The following NUDCD1 variants were observed in gnomAD, a reference collection of about 807,000 sequenced individuals.
NUDCD1 encodes the protein nudC domain-containing protein 1.
Under a neutral mutation model 67.8 loss-of-function variants are expected in NUDCD1, and 60 were observed. That is an observed-to-expected ratio of 0.88 (90% CI 0.72 to 1.10). The LOEUF (loss-of-function observed/expected upper bound fraction) is 1.10. Ranked by LOEUF, NUDCD1 falls within the 50% of genes least tolerant of loss-of-function variation. The pLI, the probability that NUDCD1 is intolerant of heterozygous loss-of-function variation, is 0.00. For missense variants in NUDCD1, 643 were observed against 695.0 expected (o/e 0.93, Z 0.84); for synonymous variants, 244 against 230.8 (o/e 1.06, Z -0.52).
At chr8:109,291,925 T>A (rs1278715535) in intron 4 of NUDCD1, among the ~76,000 whole-genome samples, 1 of 152,118 alleles carries the variant, frequency 6.6e-6, no homozygotes, top group Non-Finnish European at 1.5e-5. Context: ...TCCTGTAAGA[T>A]TTTGAATTAC....
rs1238743435 is a variant in NUDCD1 at position 109,240,976 on chromosome 8, T to A, written c.*2033A>T. The A allele has an allele frequency of 1.3e-5, 2 of 152,134 alleles. No individual in the cohort carries two copies. The highest frequency in any genetic ancestry group is 2.9e-5 in the Non-Finnish European group (2 of 68,030). 9.4% of individuals were successfully genotyped at this position (152,134 alleles called of 1,614,324 possible). The stretch of plus-strand genomic sequence containing the variant: ...TCATAAATATTTTATAAATTCCTAT[T>A]TAAAACATGATAAAAATCAACAAAA... On this transcript the variant is annotated 3_prime_UTR_variant, in exon 10 of 10. Transcript: ENST00000239690.
intron 2 of NUDCD1, among the ~76,000 whole-genome samples, chr8:109,308,103 C>T (rs1815154751): frequency 6.6e-6 from 1 of 152,190 alleles, no homozygotes; most frequent in African/African-American, 2.4e-5. Context: ...TGGATTTAAA[C>T]TATACCCTGG....
chr8:109,244,484 C>A (rs1437450451), intron 9 of NUDCD1, among the ~76,000 whole-genome samples: 3 of 152,048 alleles, frequency 2.0e-5, no homozygotes, highest in Non-Finnish European at 4.4e-5. Flanking sequence ...AATTAGTTAA[C>A]CAAACTTTGT....
intron 5 of NUDCD1, among the ~76,000 whole-genome samples, chr8:109,282,169 T>A (rs536390019): frequency 1.3e-5 from 2 of 152,256 alleles, no homozygotes; most frequent in African/African-American, 4.8e-5. Context: ...GTCCTGCCCA[T>A]CTTGGCCCCT....
At chr8:109,310,942 A>G (rs1815232829) in intron 2 of NUDCD1, among the ~76,000 whole-genome samples, 1 of 150,014 alleles carries the variant, frequency 6.7e-6, no homozygotes, top group Non-Finnish European at 1.5e-5. Context: ...CAGCCTCCCG[A>G]GTAGCTGGGA....
intron 1 of NUDCD1, among the ~76,000 whole-genome samples, chr8:109,332,080 G>A (rs1815818912): frequency 6.6e-6 from 1 of 152,068 alleles, no homozygotes; most frequent in South Asian, 2.1e-4. Flanking sequence ...TACATCCTAT[G>A]TGCCAAGCAC....
At chr8:109,281,467 C>T (rs762832117) in intron 5 of NUDCD1, among the ~76,000 whole-genome samples, 13 of 152,030 alleles carry the variant, frequency 8.6e-5, no homozygotes, top group Non-Finnish European at 1.9e-4. Context: ...CCCTTCCTCC[C>T]TCTTTCACTC....
intron 2 of NUDCD1, among the ~76,000 whole-genome samples, chr8:109,309,155 C>G (rs535853962): frequency 6.6e-6 from 1 of 151,972 alleles, no homozygotes; most frequent in African/African-American, 2.4e-5. Context: ...AGGACATAAC[C>G]AAAAAAGAAA....
intron 8 of NUDCD1, among the ~76,000 whole-genome samples, chr8:109,246,664 A>G (rs1813503804): frequency 2.0e-5 from 3 of 152,230 alleles, no homozygotes; most frequent in Admixed American, 2.0e-4. Context: ...TGTTGTAAGG[A>G]TAGTCTTCTT....
chr8:109,300,165 A>G (rs766516867), intron 2 of NUDCD1, among the ~76,000 whole-genome samples: 4 of 152,196 alleles, frequency 2.6e-5, no homozygotes, highest in Admixed American at 6.5e-5. Flanking sequence ...TCAGAAAATC[A>G]AGTCTGGTAA....
At chr8:109,263,010 G>A (rs866583316) in intron 8 of NUDCD1, among the ~76,000 whole-genome samples, 4 of 130,314 alleles carry the variant, frequency 3.1e-5, no homozygotes, top group African/African-American at 5.9e-5. Flanking sequence ...AGCCGAGATC[G>A]TGCCAATGCA....
chr8:109,300,477 A>C (rs1814960537), intron 2 of NUDCD1, among the ~76,000 whole-genome samples: 1 of 152,216 alleles, frequency 6.6e-6, no homozygotes, highest in Non-Finnish European at 1.5e-5. Flanking sequence ...CAGCAATAGA[A>C]TCAAACAAGT....
At chr8:109,258,604 G>C (rs1056583774) in intron 8 of NUDCD1, among the ~76,000 whole-genome samples, 1 of 151,596 alleles carries the variant, frequency 6.6e-6, no homozygotes, top group African/African-American at 2.4e-5. Context: ...GATTCTAGAA[G>C]GAAAATAATT....
chr8:109,258,577 A>C (rs1813792187), intron 8 of NUDCD1, among the ~76,000 whole-genome samples: 1 of 152,152 alleles, frequency 6.6e-6, no homozygotes, highest in Non-Finnish European at 1.5e-5. Flanking sequence ...GCTGCTAAAA[A>C]TGGCTTTGCC....
intron 2 of NUDCD1, among the ~76,000 whole-genome samples, chr8:109,307,828 A>G (rs901356158): frequency 6.6e-6 from 1 of 152,218 alleles, no homozygotes; most frequent in Non-Finnish European, 1.5e-5. Context: ...AGCTATTCTT[A>G]TATCAGATAA....
chr8:109,307,428 T>C lies in NUDCD1; in HGVS notation c.274-10859A>G, dbSNP rs557424058. ...GCCTTGTGGCTCACACAAAGCCTGTTTGGTGGTCTCTTTACACGGACGTGT... is the reference window on the plus strand; with the variant it reads ...GCCTTGTGGCTCACACAAAGCCTGTCTGGTGGTCTCTTTACACGGACGTGT... On this transcript the variant is annotated intron_variant, in intron 2 of 9. Coordinates refer to ENST00000239690, the MANE Select transcript of NUDCD1 (RefSeq NM_032869.4). Among the ~76,000 whole-genome samples the C allele has an allele frequency of 4.6e-5, 7 of 152,344 alleles. No homozygotes were observed. The South Asian group carries it at 1.5e-3, about 32-fold the overall frequency.
At chr8:109,254,946 T>C (rs1341042370) in intron 8 of NUDCD1, among the ~76,000 whole-genome samples, 1 of 152,190 alleles carries the variant, frequency 6.6e-6, no homozygotes, top group Non-Finnish European at 1.5e-5. Context: ...ATCAAGTATT[T>C]AGCTGATCTG....
At chr8:109,272,194 T>C (rs781467550) in intron 7 of NUDCD1, among the ~76,000 whole-genome samples, 39 of 152,022 alleles carry the variant, frequency 2.6e-4, no homozygotes, top group Non-Finnish European at 4.4e-4. Flanking sequence ...TTACTGACTA[T>C]AGCTAAAATA....
chr8:109,323,685 G>GA (rs1815593348), intron 1 of NUDCD1, among the ~76,000 whole-genome samples: 1 of 152,064 alleles, frequency 6.6e-6, no homozygotes, highest in Admixed American at 6.5e-5. Flanking sequence ...ACAAGAAGGT[G>GA]AAAGACTTCT....
Sources: gnomAD v4.1 joint callset for allele counts (sites outside exome capture counted in the v4.1 genomes callset) on GRCh38, gnomAD v4.1.1 for gene constraint, MANE v1.5 for transcripts, NCBI Gene and HGNC (gene_info 2026-07-23, HGNC 2026-07-21) for gene names.